PRKAR1B: variants seen among roughly 807,000 people sequenced by gnomAD.
The protein encoded by PRKAR1B is cAMP-dependent protein kinase type I-beta regulatory subunit.
In PRKAR1B, 22 loss-of-function variants were observed where a neutral mutation model predicts 46.5. The observed-to-expected ratio is 0.47, with a 90% CI of 0.34 to 0.68. PRKAR1B has a LOEUF of 0.68. Ranked by LOEUF, PRKAR1B falls within the 30% of genes least tolerant of loss-of-function variation. The probability of loss-of-function intolerance (pLI) is 0.01; values close to 1 mark genes in which losing one functional copy is unlikely to be tolerated. For synonymous variants in PRKAR1B, 259 were observed against 217.7 expected (o/e 1.19, Z -1.67); for missense variants, 445 against 535.6 (o/e 0.83, Z 1.67).
rs561748080 is a variant in PRKAR1B at position 648,573 on chromosome 7, C to T, written c.440+28656G>A. 3.0e-4 allele frequency among the ~76,000 whole-genome samples: 45 copies of T among 151,604 alleles called. No homozygotes were observed. In the South Asian group the frequency reaches 7.3e-3, roughly 25 times the overall value. ...TTGCAGTGAGCCGAGATCACGCCAC[C>T]GCACTCCAGCCTGGACAACAGAGTG... On this transcript the variant is annotated intron_variant, in intron 4 of 10. Transcript: ENST00000537384.
intron 1 of PRKAR1B, among the ~76,000 whole-genome samples, chr7:715,396 C>T (rs938861470): frequency 1.3e-5 from 2 of 152,084 alleles, no homozygotes; most frequent in African/African-American, 2.4e-5. Flanking sequence ...CATCGGACCA[C>T]GTGGACCTCA....
In PRKAR1B at chr7:560,367, A is replaced by ATAATAG. The variant is rs1248694135; in HGVS notation, c.892-8898_892-8897insCTATTA. 1.1e-5 allele frequency among the ~76,000 whole-genome samples: 1 copy of ATAATAG among 89,866 alleles called. No homozygotes were observed. Among genetic ancestry groups the ATAATAG allele is most frequent in the Non-Finnish European group, 2.6e-5 (1 of 38,776 alleles). 59.0% of individuals were successfully genotyped at this position (89,866 alleles called of 152,430 possible). ...TTAGAATGAACTAATACAAATAATAATAATAATAATAATAATAATAATAAA... is the reference window on the plus strand; with the variant it reads ...TTAGAATGAACTAATACAAATAATAATAATAGTAATAATAATAATAATAATAATAAA... On this transcript the variant is annotated intron_variant, in intron 9 of 10. Transcript: ENST00000537384. The surrounding 1 kb of genome is among the most constrained non-coding windows in gnomAD (Gnocchi z 4.2).
At chr7:635,863 C>G (rs934584472) in intron 4 of PRKAR1B, among the ~76,000 whole-genome samples, 1 of 152,030 alleles carries the variant, frequency 6.6e-6, no homozygotes, top group Non-Finnish European at 1.5e-5. Context: ...ATCGCCAGGC[C>G]TCAGTTTCCC....
At chr7:715,618 G>A (rs1780844751) in intron 1 of PRKAR1B, among the ~76,000 whole-genome samples, 1 of 152,042 alleles carries the variant, frequency 6.6e-6, no homozygotes, top group African/African-American at 2.4e-5. Flanking sequence ...TAAGCCCTGT[G>A]GGGTCTTACT....
At chr7:614,013 G>A (rs1041030037) in intron 4 of PRKAR1B, among the ~76,000 whole-genome samples, 10 of 152,226 alleles carry the variant, frequency 6.6e-5, no homozygotes, top group Admixed American at 3.3e-4. Context: ...CCAGGGAACC[G>A]GACTGTGAGG....
intron 4 of PRKAR1B, among the ~76,000 whole-genome samples, chr7:632,182 T>C (rs1783789450): frequency 6.6e-6 from 1 of 152,190 alleles, no homozygotes; most frequent in Non-Finnish European, 1.5e-5. Context: ...GCCTTGTCTG[T>C]GTGAACCCTG....
At chr7:680,032 C>T (rs1305753712) in intron 3 of PRKAR1B, among the ~76,000 whole-genome samples, 3 of 151,988 alleles carry the variant, frequency 2.0e-5, no homozygotes, top group African/African-American at 7.3e-5. Context: ...GTGGTAGGCA[C>T]CTGTAGTCCC....
intron 8 of PRKAR1B, 142 bp downstream of exon 8, chr7:584,366 A>G: frequency 1.5e-6 from 1 of 675,104 alleles, no homozygotes; most frequent in South Asian, 1.7e-5. Context: ...GTGCGTGAGC[A>G]TGCCTGTGTG....
chr7:673,293 G>A (rs754139193), intron 4 of PRKAR1B, among the ~76,000 whole-genome samples: 1 of 152,010 alleles, frequency 6.6e-6, no homozygotes, highest in African/African-American at 2.4e-5. Context: ...GTTCAAAAAC[G>A]ACATTTCAAT....
intron 4 of PRKAR1B, among the ~76,000 whole-genome samples, chr7:671,196 C>T (rs1326517784): frequency 6.6e-6 from 1 of 151,504 alleles, no homozygotes; most frequent in Admixed American, 6.6e-5. Flanking sequence ...TTGCCTTCAT[C>T]GAGCTCCGCA....
At chr7:579,663 T>G (rs9330373) in intron 8 of PRKAR1B, among the ~76,000 whole-genome samples, 1 of 152,122 alleles carries the variant, frequency 6.6e-6, no homozygotes, top group Non-Finnish European at 1.5e-5. Context: ...CCTGGCTTAA[T>G]GTAAATACCC....
chr7:723,085 T>C (rs559313840), intron 1 of PRKAR1B, among the ~76,000 whole-genome samples: 2 of 152,192 alleles, frequency 1.3e-5, no homozygotes, highest in Non-Finnish European at 2.9e-5. Context: ...CCTTTTGCTG[T>C]GTCAGGACAG....
At chr7:632,837 G>T (rs1258378466) in intron 4 of PRKAR1B, among the ~76,000 whole-genome samples, 1 of 104,722 alleles carries the variant, frequency 9.5e-6, no homozygotes, top group South Asian at 5.2e-4. Flanking sequence ...GACTCTACGG[G>T]GCTGTGTGCC....
intron 1 of PRKAR1B, among the ~76,000 whole-genome samples, chr7:718,133 C>T (rs192152556): frequency 7.7e-4 from 117 of 152,000 alleles, no homozygotes; most frequent in African/African-American, 2.7e-3. Flanking sequence ...CTCAGTCGAG[C>T]CTCAGATAAG....
At position 587,029 on chromosome 7, in the gene PRKAR1B, G is replaced by A. The variant is rs549518020; in HGVS notation, c.709-2461C>T. 1.5e-4 allele frequency among the ~76,000 whole-genome samples: 23 copies of A among 152,046 alleles called. No individual in the cohort carries two copies. In the South Asian group the frequency reaches 2.1e-3, roughly 14 times the overall value. ...CTCCGGAGTAGCTGGGACTACAGGC[G>A]CCCGCCACCATGCCCAGCTAATGTT... On this transcript the variant is annotated intron_variant, in intron 7 of 10. Coordinates refer to ENST00000537384, the MANE Select transcript of PRKAR1B (RefSeq NM_001164760.2).
chr7:712,175 C>T (rs889231537), intron 1 of PRKAR1B, among the ~76,000 whole-genome samples: 5 of 145,682 alleles, frequency 3.4e-5, no homozygotes, highest in African/African-American at 7.4e-5. Flanking sequence ...CGCCACGCCG[C>T]CCCCGGAGTG....
intron 4 of PRKAR1B, among the ~76,000 whole-genome samples, chr7:625,275 G>A (rs1020169073): frequency 2.0e-5 from 3 of 152,132 alleles, no homozygotes; most frequent in African/African-American, 4.8e-5. Context: ...CACTTAGAGG[G>A]AAATCTATAG....
At chr7:662,416 C>T (rs1003204014) in intron 4 of PRKAR1B, among the ~76,000 whole-genome samples, 1 of 123,550 alleles carries the variant, frequency 8.1e-6, no homozygotes, top group African/African-American at 3.2e-5. Flanking sequence ...CCCATCCCAA[C>T]GGGTCCAAAT....
chr7:691,957 C>T (rs1024636450), intron 2 of PRKAR1B: 21 of 607,894 alleles, frequency 3.5e-5, no homozygotes, highest in Admixed American at 6.3e-5. Context: ...CACTGGGAGA[C>T]GGAAATCAAG....
Sources: gnomAD v4.1 joint callset for allele counts (sites outside exome capture counted in the v4.1 genomes callset) on GRCh38, gnomAD v4.1.1 for gene constraint, Gnocchi (gnomAD v3.1) non-coding constraint, MANE v1.5 for transcripts, NCBI Gene and HGNC (gene_info 2026-07-23, HGNC 2026-07-21) for gene names.